The following SLC25A25 variants were observed in gnomAD, a reference collection of about 807,000 sequenced individuals.
SLC25A25 encodes the protein solute carrier family 25 member 25.
SLC25A25 carries 32 observed loss-of-function variants against 57.7 expected under a neutral mutation model. That is an observed-to-expected ratio of 0.55 (90% CI 0.42 to 0.74). The LOEUF is 0.74. SLC25A25 is among the 30% of genes least tolerant of loss of function. SLC25A25 has a pLI of 0.00. For missense variants in SLC25A25, 556 were observed against 701.3 expected, an observed-to-expected ratio of 0.79 and a Z score of 2.34; for synonymous variants, 306 against 291.2, an observed-to-expected ratio of 1.05 and a Z score of -0.52.
chr9:128,098,797 C>T, intron 1 of SLC25A25: 1 of 1,569,062 alleles, frequency 6.4e-7, no homozygotes, highest in Non-Finnish European at 8.6e-7. Flanking sequence ...GCTGAGCATG[C>T]ATGAACCATC....
intron 1 of SLC25A25, among the ~76,000 whole-genome samples, chr9:128,082,658 T>G (rs1833179536): frequency 1.3e-5 from 2 of 152,206 alleles, no homozygotes; most frequent in Admixed American, 1.3e-4. Flanking sequence ...TTTTATTTTA[T>G]TTTATTTTAA....
intron 1 of SLC25A25, among the ~76,000 whole-genome samples, chr9:128,070,553 TTTTTG>T (rs1369508325): frequency 6.6e-6 from 1 of 151,758 alleles, no homozygotes; most frequent in African/African-American, 2.4e-5. Flanking sequence ...AGACAGGTTT[TTTTTG>T]TTTTGTTTTG....
Position 128,102,293 on chromosome 9 carries a change from G to A in SLC25A25, c.513-77G>A. The A allele has an allele frequency of 7.5e-6, 11 of 1,469,634 alleles. No individual in the cohort carries two copies. The highest frequency in any genetic ancestry group is 1.2e-5 in the South Asian group (1 of 85,550). The allele number at this position is 1,469,634 out of a possible 1,614,324, so 91.0% of individuals were successfully genotyped here. A position where few individuals can be genotyped will look rare whatever the true frequency, so the allele number is the denominator to read the frequency against. On this transcript the variant is annotated intron_variant, in intron 4 of 10. Coordinates refer to ENST00000373069, the MANE Select transcript of SLC25A25 (RefSeq NM_001330988.2). This position sits in a 1 kb window ranked among gnomAD's most constrained non-coding sequence, Gnocchi z 4.1. Reference sequence around the variant, plus strand: ...TCTGGGCATCCGAATGCCTGCCCTTGGCTCACTGGGAGGTGGGGGGATGCA... The same window carrying A: ...TCTGGGCATCCGAATGCCTGCCCTTAGCTCACTGGGAGGTGGGGGGATGCA...
intron 1 of SLC25A25, among the ~76,000 whole-genome samples, chr9:128,085,758 C>T (rs1253874725): frequency 6.6e-6 from 1 of 152,114 alleles, no homozygotes; most frequent in Non-Finnish European, 1.5e-5. Context: ...ATACATTGTG[C>T]TTTCTCACCA....
Position 128,107,306 on chromosome 9 carries a change from A to G in SLC25A25, c.1410A>G (p.Lys470=). The G allele has an allele frequency of 6.4e-7, 1 of 1,567,736 alleles. No individual in the cohort carries two copies. The highest frequency in any genetic ancestry group is 8.7e-7 in the Non-Finnish European group (1 of 1,152,094). The part of the protein sequence containing the change: ...APEVTMSSLF[K]HILRTEGAFG... ...AGGTGACCATGAGCAGCCTCTTCAA[A>G]CATATCCTGCGGACCGAGGGGGCCT... Residue 470 remains lysine (K), a synonymous_variant, in exon 11 of 11, where the codon AAA becomes AAG. Transcript: ENST00000373069.
At chr9:128,097,721 G>C (rs1310357337) in intron 1 of SLC25A25, among the ~76,000 whole-genome samples, 1 of 152,232 alleles carries the variant, frequency 6.6e-6, no homozygotes, top group Non-Finnish European at 1.5e-5. Context: ...GGCCTCGACT[G>C]ACCCCAGATT....
chr9:128,105,391 G>C (rs747535340), intron 6 of SLC25A25, among the ~76,000 whole-genome samples: 1 of 150,870 alleles, frequency 6.6e-6, no homozygotes, highest in Non-Finnish European at 1.5e-5. Flanking sequence ...GGCTGGTCTC[G>C]AACTCCTGAA....
chr9:128,073,486 T>G (rs1376841264), intron 1 of SLC25A25, among the ~76,000 whole-genome samples: 2 of 152,206 alleles, frequency 1.3e-5, no homozygotes, highest in African/African-American at 4.8e-5. Context: ...GACAGACTGT[T>G]GAACTCTATA....
At chr9:128,069,513 A>G (rs751615437) in intron 1 of SLC25A25, among the ~76,000 whole-genome samples, 26 of 152,232 alleles carry the variant, frequency 1.7e-4, no homozygotes, top group Non-Finnish European at 3.2e-4. Flanking sequence ...AGTTTGGTCC[A>G]TTTGTACACA....
At chr9:128,093,450 G>A (rs890562670) in intron 1 of SLC25A25, among the ~76,000 whole-genome samples, 7 of 152,158 alleles carry the variant, frequency 4.6e-5, no homozygotes, top group African/African-American at 1.2e-4. Context: ...CTATTTTTCA[G>A]CATCATACAG....
chr9:128,078,702 C>T (rs2130788152), intron 1 of SLC25A25, among the ~76,000 whole-genome samples: 1 of 152,280 alleles, frequency 6.6e-6, no homozygotes, highest in South Asian at 2.1e-4. Flanking sequence ...TCAAGTGGAG[C>T]TTACTTCAAA....
rs1395938693 is a variant in SLC25A25 at position 128,102,330 on chromosome 9, G to C, written c.513-40G>C. The C allele has an allele frequency of 6.4e-7, 1 of 1,565,246 alleles. No homozygotes were observed. The highest frequency in any genetic ancestry group is 1.4e-5 in the African/African-American group (1 of 73,946). ...GGTGGGGGGATGCAGCTGGCGGATG[G>C]GCATGTGGGCACGTGGGCAGCCTCG... On this transcript the variant is annotated intron_variant, in intron 4 of 10. Coordinates refer to ENST00000373069, the MANE Select transcript of SLC25A25 (RefSeq NM_001330988.2). The surrounding 1 kb of genome is among the most constrained non-coding windows in gnomAD (Gnocchi z 4.1).
intron 1 of SLC25A25, among the ~76,000 whole-genome samples, chr9:128,092,679 T>A (rs1352751954): frequency 6.6e-6 from 1 of 152,032 alleles, no homozygotes; most frequent in Non-Finnish European, 1.5e-5. Context: ...AACTGTGGGG[T>A]CTTTCATCCT....
At chr9:128,097,295 A>G (rs993146286) in intron 1 of SLC25A25, among the ~76,000 whole-genome samples, 2 of 152,316 alleles carry the variant, frequency 1.3e-5, no homozygotes, top group African/African-American at 4.8e-5. Flanking sequence ...CGGCCTGCAG[A>G]GAGGGTCGTC....
intron 1 of SLC25A25, among the ~76,000 whole-genome samples, chr9:128,082,706 C>T (rs1007065863): frequency 3.5e-4 from 53 of 152,082 alleles, no homozygotes; most frequent in African/African-American, 1.2e-3. Flanking sequence ...AGTGCAGTGG[C>T]GCAATCTTGG....
Position 128,102,225 on chromosome 9 carries a change from C to T in SLC25A25, c.512+110C>T. On this transcript the variant is annotated intron_variant, in intron 4 of 10. Transcript: ENST00000373069. The surrounding 1 kb of genome is among the most constrained non-coding windows in gnomAD (Gnocchi z 4.1). ...TTGTTGTGCTAAGTGGGGTGTGGAG[C>T]CCCCTGCTCTTTCTCCTGGGGGCAG... 2 of 1,442,296 alleles carry T rather than the reference C, an allele frequency of 1.4e-6. No homozygotes were observed. The highest frequency in any genetic ancestry group is 9.5e-7 in the Non-Finnish European group (1 of 1,048,206). The allele number at this position is 1,442,296 out of a possible 1,614,324, so 89.3% of individuals were successfully genotyped here.
intron 1 of SLC25A25, among the ~76,000 whole-genome samples, chr9:128,077,175 A>G (rs1053173658): frequency 3.9e-5 from 6 of 152,316 alleles, no homozygotes; most frequent in African/African-American, 1.4e-4. Context: ...CTTAGCTGAG[A>G]CAATAACCCA....
At position 128,095,853 on chromosome 9, in the gene SLC25A25, T is replaced by C. The variant is rs902672153; in HGVS notation, c.262-5243T>C. 6.6e-6 allele frequency among the ~76,000 whole-genome samples: 1 copy of C among 152,202 alleles called. No individual in the cohort carries two copies. On this transcript the variant is annotated intron_variant, in intron 1 of 10. Transcript: ENST00000373069. The surrounding 1 kb of genome is among the most constrained non-coding windows in gnomAD (Gnocchi z 4.4). ...AGAAGAAGAATACAGGTTTCACTTT[T>C]ATTTAGTATCATTTTCAAATCTCAG...
intron 1 of SLC25A25, chr9:128,091,891 T>C: frequency 6.2e-7 from 1 of 1,611,228 alleles, no homozygotes; most frequent in Non-Finnish European, 8.5e-7. Flanking sequence ...TGCTGTGGCA[T>C]TTCCTAGCTA....
Sources: gnomAD v4.1 joint callset for allele counts (sites outside exome capture counted in the v4.1 genomes callset) on GRCh38, gnomAD v4.1.1 for gene constraint, Gnocchi (gnomAD v3.1) non-coding constraint, MANE v1.5 for transcripts, NCBI Gene and HGNC (gene_info 2026-07-23, HGNC 2026-07-21) for gene names.